Variants in KCNC2 observed in about 807,000 individuals in gnomAD.
KCNC2 encodes the protein potassium voltage-gated channel subfamily C member 2, also known as voltage-gated potassium channel KCNC2.
A neutral mutation model predicts 44.5 loss-of-function variants in KCNC2; 21 were observed. The observed-to-expected ratio is 0.47, with a 90% confidence interval of 0.33 to 0.68. The LOEUF (loss-of-function observed/expected upper bound fraction) is 0.68, where lower values mean the gene tolerates loss of function less well. KCNC2 is among the 30% of genes least tolerant of loss of function. KCNC2 has a pLI of 0.01. For missense variants in KCNC2, 589 were observed against 826.2 expected, an observed-to-expected ratio of 0.71 and a Z score of 3.52; for synonymous variants, 391 against 339.1, an observed-to-expected ratio of 1.15 and a Z score of -1.68.
intron 3 of KCNC2, among the ~76,000 whole-genome samples, chr12:75,048,754 T>C (rs1442866824): frequency 6.6e-6 from 1 of 152,148 alleles, no homozygotes; most frequent in Non-Finnish European, 1.5e-5. Context: ...ATGCTTTTAT[T>C]AATTTCTGAA....
chr12:75,084,641 A>T (rs1470800583), intron 2 of KCNC2, among the ~76,000 whole-genome samples: 3 of 151,794 alleles, frequency 2.0e-5, no homozygotes, highest in African/African-American at 7.3e-5. Flanking sequence ...GTCCAATGAA[A>T]CCTCTTTCTT....
chr12:75,100,605 G>T (rs1273994272), intron 2 of KCNC2, among the ~76,000 whole-genome samples: 6 of 151,766 alleles, frequency 4.0e-5, no homozygotes, highest in South Asian at 2.1e-4. Context: ...ATTCTAAAAG[G>T]TTCACAAGGT....
chr12:75,112,228 C>T (rs1887312720), intron 2 of KCNC2, among the ~76,000 whole-genome samples: 1 of 151,836 alleles, frequency 6.6e-6, no homozygotes, highest in Non-Finnish European at 1.5e-5. Flanking sequence ...GCTTATGAAA[C>T]ATTCAGAATT....
chr12:75,088,591 C>T (rs984810316), intron 2 of KCNC2, among the ~76,000 whole-genome samples: 8 of 152,016 alleles, frequency 5.3e-5, no homozygotes, highest in African/African-American at 1.9e-4. Flanking sequence ...GTTATGCTCT[C>T]TTTAATTTCA....
chr12:75,160,009 AAC>A (rs1891015458), intron 2 of KCNC2, among the ~76,000 whole-genome samples: 1 of 151,906 alleles, frequency 6.6e-6, no homozygotes, highest in Non-Finnish European at 1.5e-5. Context: ...ATAAATGATA[AAC>A]ACTTTTAGTT....
At chr12:75,188,458 G>A (rs1162634232) in intron 2 of KCNC2, among the ~76,000 whole-genome samples, 1 of 152,268 alleles carries the variant, frequency 6.6e-6, no homozygotes, top group East Asian at 1.9e-4. Context: ...TAGCATAAAT[G>A]TGAACCACAA....
chr12:75,113,387 T>C (rs991012989), intron 2 of KCNC2, among the ~76,000 whole-genome samples: 1 of 152,200 alleles, frequency 6.6e-6, no homozygotes, highest in South Asian at 2.1e-4. Flanking sequence ...CATTTAAATA[T>C]GTAGTTTCTG....
chr12:75,069,054 A>G lies in KCNC2; in HGVS notation c.688-17737T>C, dbSNP rs7299891. Among the ~76,000 whole-genome samples, 181 of 151,800 alleles carry G rather than the reference A, an allele frequency of 1.2e-3. 1 individual carries two copies. Among genetic ancestry groups the G allele is most frequent in the Non-Finnish European group, 2.1e-3 (145 of 67,912 alleles). On this transcript the variant is annotated intron_variant, in intron 2 of 4. Transcript: ENST00000549446. ...TGAAGATACAAGAGAAAACACACAT[A>G]TGTGAAAATACCTTAAACATAGCTA...
At chr12:75,134,762 A>C (rs530999657) in intron 2 of KCNC2, among the ~76,000 whole-genome samples, 1 of 152,060 alleles carries the variant, frequency 6.6e-6, no homozygotes, top group East Asian at 1.9e-4. Context: ...AGTATCTTAA[A>C]GCCTACTCTT....
intron 2 of KCNC2, among the ~76,000 whole-genome samples, chr12:75,142,854 C>A (rs973488209): frequency 6.6e-6 from 1 of 152,186 alleles, no homozygotes; most frequent in African/African-American, 2.4e-5. Context: ...ACCACTATAG[C>A]CACAAGTCCG....
At chr12:75,197,873 A>C (rs2030911124) in intron 2 of KCNC2, among the ~76,000 whole-genome samples, 1 of 151,962 alleles carries the variant, frequency 6.6e-6, no homozygotes, top group African/African-American at 2.4e-5. Context: ...ACATCTAAAA[A>C]ACAAACATTA....
At chr12:75,044,908 G>A (rs755766192) in intron 4 of KCNC2, 8 of 151,842 alleles carry the variant, frequency 5.3e-5, no homozygotes, top group Non-Finnish European at 1.2e-4. Flanking sequence ...ATTTTATGTT[G>A]GTGAATGATG....
At chr12:75,197,754 T>C (rs1191895309) in intron 2 of KCNC2, among the ~76,000 whole-genome samples, 1 of 151,970 alleles carries the variant, frequency 6.6e-6, no homozygotes, top group Non-Finnish European at 1.5e-5. Flanking sequence ...AACAACATGC[T>C]ACTTTATCAT....
intron 2 of KCNC2, among the ~76,000 whole-genome samples, chr12:75,084,293 T>TGATAGAC (rs1565840414): frequency 8.2e-6 from 1 of 122,034 alleles, no homozygotes; most frequent in African/African-American, 2.9e-5. Flanking sequence ...AGATAGATGA[T>TGATAGAC]AGATAGATAG....
intron 2 of KCNC2, among the ~76,000 whole-genome samples, chr12:75,098,379 A>G (rs1284487077): frequency 1.3e-5 from 2 of 152,158 alleles, no homozygotes. Flanking sequence ...TCCATAGAAG[A>G]CTGCAGAAAA....
intron 2 of KCNC2, among the ~76,000 whole-genome samples, chr12:75,173,934 C>T (rs1335404727): frequency 1.3e-5 from 2 of 151,752 alleles, no homozygotes; most frequent in African/African-American, 4.8e-5. Flanking sequence ...TTTTCACTGG[C>T]CATCAAGGTA....
At chr12:75,138,206 T>C (rs1889367513) in intron 2 of KCNC2, among the ~76,000 whole-genome samples, 1 of 152,216 alleles carries the variant, frequency 6.6e-6, no homozygotes, top group African/African-American at 2.4e-5. Flanking sequence ...TGGATTTTGC[T>C]TTTGCCAATG....
chr12:75,110,719 G>A (rs1002850040), intron 2 of KCNC2, among the ~76,000 whole-genome samples: 6 of 151,970 alleles, frequency 3.9e-5, no homozygotes, highest in Non-Finnish European at 7.4e-5. Flanking sequence ...TCTTTTCAAT[G>A]TAATGTATTT....
At chr12:75,111,108 C>A (rs1887201294) in intron 2 of KCNC2, among the ~76,000 whole-genome samples, 1 of 152,064 alleles carries the variant, frequency 6.6e-6, no homozygotes, top group Non-Finnish European at 1.5e-5. Flanking sequence ...TCAAATTTTT[C>A]ACACAATGCT....
Sources: gnomAD v4.1 joint callset for allele counts (sites outside exome capture counted in the v4.1 genomes callset) on GRCh38, gnomAD v4.1.1 for gene constraint, MANE v1.5 for transcripts, NCBI Gene and HGNC (gene_info 2026-07-23, HGNC 2026-07-21) for gene names.